Variants in GRIA4 observed in about 807,000 individuals in gnomAD.
GRIA4 encodes the protein glutamate receptor 4.
GRIA4 carries 34 observed loss-of-function variants against 104.0 expected under a neutral mutation model. That is an observed-to-expected ratio of 0.33 (90% CI 0.25 to 0.44). GRIA4 has a LOEUF of 0.44. GRIA4 is among the 20% of genes least tolerant of loss of function. The probability of loss-of-function intolerance (pLI) is 1.00; values close to 1 mark genes in which losing one functional copy is unlikely to be tolerated. For missense variants in GRIA4, 750 were observed against 1,096.5 expected (o/e 0.68, Z 4.46); for synonymous variants, 386 against 381.9 (o/e 1.01, Z -0.13).
At chr11:105,845,152 T>C (rs973613430) in intron 4 of GRIA4, among the ~76,000 whole-genome samples, 2 of 152,246 alleles carry the variant, frequency 1.3e-5, no homozygotes, top group African/African-American at 2.4e-5. Context: ...TTCAGCCAGA[T>C]GGTCACTGGG....
intron 3 of GRIA4, among the ~76,000 whole-genome samples, chr11:105,642,346 T>A (rs1260561961): frequency 6.6e-6 from 1 of 151,990 alleles, no homozygotes; most frequent in Non-Finnish European, 1.5e-5. Flanking sequence ...CCCTTATTTA[T>A]GAAACAAGCT....
At chr11:105,785,596 T>C (rs1941925720) in intron 4 of GRIA4, among the ~76,000 whole-genome samples, 1 of 152,192 alleles carries the variant, frequency 6.6e-6, no homozygotes, top group Non-Finnish European at 1.5e-5. Flanking sequence ...CAAACCATGG[T>C]CCTTCCCATG....
chr11:105,709,454 T>C (rs1953831770), intron 3 of GRIA4, among the ~76,000 whole-genome samples: 1 of 152,158 alleles, frequency 6.6e-6, no homozygotes. Context: ...GAATGTATAA[T>C]GAGAAACATA....
At chr11:105,752,143 A>G (rs1329178447) in intron 3 of GRIA4, among the ~76,000 whole-genome samples, 1 of 152,156 alleles carries the variant, frequency 6.6e-6, no homozygotes, top group East Asian at 1.9e-4. Flanking sequence ...AATTTTGAGA[A>G]GAATCTTTTT....
chr11:105,933,469 T>C (rs1169049852), intron 13 of GRIA4, among the ~76,000 whole-genome samples: 2 of 152,026 alleles, frequency 1.3e-5, no homozygotes, highest in African/African-American at 2.4e-5. Flanking sequence ...GTGGTAACTG[T>C]TATGGTAAGA....
rs11226860 is a variant in GRIA4 at position 105,831,760 on chromosome 11, G to A, written c.488-30264G>A. Among the ~76,000 whole-genome samples, 1,058 of 152,100 alleles carry A rather than the reference G, an allele frequency of 7.0e-3. 31 individuals carry two copies. The East Asian group carries it at 0.083, about 12-fold the overall frequency. On this transcript the variant is annotated intron_variant, in intron 4 of 16. Coordinates refer to ENST00000282499, the MANE Select transcript of GRIA4 (RefSeq NM_000829.4). ...CATTGAGATAGGGGAGCAAGTGGTG[G>A]AGCTTTTGGGAGGGTTGCAATGCTC...
intron 13 of GRIA4, 47 bp from the exon 14 acceptor site, chr11:105,933,675 G>A: frequency 7.2e-7 from 1 of 1,385,502 alleles, no homozygotes. Flanking sequence ...ATATTAACAT[G>A]TTGTTCCCTT....
In GRIA4 at chr11:105,720,029, C is replaced by T. The variant is rs1317949306; in HGVS notation, c.248-32952C>T. On this transcript the variant is annotated intron_variant, in intron 3 of 16. Transcript: ENST00000282499. ...TTTAATGTATTGCAAAATGTATTCACTTGCCATCTGTGAAAAGTACCTCTT... is the reference window on the plus strand; with the variant it reads ...TTTAATGTATTGCAAAATGTATTCATTTGCCATCTGTGAAAAGTACCTCTT... 2.6e-5 allele frequency among the ~76,000 whole-genome samples: 4 copies of T among 151,728 alleles called. No individual in the cohort carries two copies. The East Asian group carries it at 7.8e-4, about 30-fold the overall frequency.
At chr11:105,714,297 A>G (rs2135556749) in intron 3 of GRIA4, among the ~76,000 whole-genome samples, 1 of 152,190 alleles carries the variant, frequency 6.6e-6, no homozygotes, top group South Asian at 2.1e-4. Context: ...CAAAGTTACT[A>G]GTGCAATTTT....
intron 3 of GRIA4, among the ~76,000 whole-genome samples, chr11:105,665,550 C>A (rs1952140049): frequency 6.6e-6 from 1 of 152,026 alleles, no homozygotes; most frequent in Admixed American, 6.6e-5. Flanking sequence ...TTATGAGGCA[C>A]TAGGAGCTGA....
At chr11:105,805,478 G>GAAAAAAAAAAAAAAAAAA (rs57123559) in intron 4 of GRIA4, among the ~76,000 whole-genome samples, 64 of 92,448 alleles carry the variant, frequency 6.9e-4, no homozygotes, top group Middle Eastern at 5.5e-3. Context: ...AAGAAATCAG[G>GAAAAAAAAAAAAAAAAAA]AAAAAAAAAA....
chr11:105,945,882 C>G (rs550769158), intron 14 of GRIA4, among the ~76,000 whole-genome samples: 1 of 151,810 alleles, frequency 6.6e-6, no homozygotes, highest in Non-Finnish European at 1.5e-5. Flanking sequence ...ATAGTGCTCA[C>G]AAAAATATCA....
chr11:105,835,701 T>G (rs1944153965), intron 4 of GRIA4, among the ~76,000 whole-genome samples: 1 of 152,102 alleles, frequency 6.6e-6, no homozygotes, highest in African/African-American at 2.4e-5. Context: ...TTTCATGGCT[T>G]TTAATCAACA....
Position 105,668,675 on chromosome 11 carries a change from G to GTTTTTTT in GRIA4, c.247+56242_247+56243insTTTTTTT, listed in dbSNP as rs368844903. 1.5e-4 allele frequency among the ~76,000 whole-genome samples: 18 copies of GTTTTTTT among 121,448 alleles called. 5 individuals are homozygous for GTTTTTTT. Among genetic ancestry groups the GTTTTTTT allele is most frequent in the Non-Finnish European group, 1.7e-4 (10 of 59,844 alleles). 79.7% of individuals were successfully genotyped at this position (121,448 alleles called of 152,430 possible). On this transcript the variant is annotated intron_variant, in intron 3 of 16. Transcript: ENST00000282499. Reference sequence around the variant, plus strand: ...TCCTTGACAACACTTATTATCTTTTGTCTTTTTTTTTTTTTTTGAGATAGA... The same window carrying GTTTTTTT: ...TCCTTGACAACACTTATTATCTTTTGTTTTTTTTCTTTTTTTTTTTTTTTGAGATAGA...
chr11:105,646,312 A>G (rs1951525770), intron 3 of GRIA4, among the ~76,000 whole-genome samples: 1 of 152,172 alleles, frequency 6.6e-6, no homozygotes. Context: ...CAGTAATTCA[A>G]GATGGACGTG....
At chr11:105,943,781 G>T (rs1259618315) in intron 14 of GRIA4, among the ~76,000 whole-genome samples, 4 of 151,964 alleles carry the variant, frequency 2.6e-5, no homozygotes, top group Admixed American at 6.6e-5. Flanking sequence ...TGAAATAGGT[G>T]TTTCATAAAA....
At chr11:105,912,531 T>A in intron 10 of GRIA4, 1 of 268,244 alleles carries the variant, frequency 3.7e-6, no homozygotes, top group Non-Finnish European at 5.6e-6. Context: ...TATATATATA[T>A]AAATATATAT....
intron 16 of GRIA4, among the ~76,000 whole-genome samples, chr11:105,979,219 T>C (rs916219129): frequency 6.6e-6 from 1 of 152,190 alleles, no homozygotes; most frequent in Admixed American, 6.5e-5. Context: ...GAAATACTAT[T>C]TAAAGAATGT....
chr11:105,760,793 C>G (rs1341502236), intron 4 of GRIA4, among the ~76,000 whole-genome samples: 1 of 151,736 alleles, frequency 6.6e-6, no homozygotes, highest in African/African-American at 2.4e-5. Flanking sequence ...GTGAAGTACT[C>G]AATGGATTCT....
Sources: allele counts gnomAD v4.1 joint callset (sites outside exome capture counted in the v4.1 genomes callset), GRCh38; gene constraint gnomAD v4.1.1; transcripts MANE v1.5; gene names NCBI Gene and HGNC (gene_info 2026-07-23, HGNC 2026-07-21).